The following CBX5 variants were observed in gnomAD, a reference collection of about 807,000 sequenced individuals.
CBX5 encodes the protein chromobox protein homolog 5.
A neutral mutation model predicts 20.7 loss-of-function variants in CBX5; 7 were observed. The observed-to-expected ratio is 0.34, with a 90% CI of 0.19 to 0.63. The LOEUF is 0.63. Among genes scored for constraint, CBX5 ranks in the 30% least tolerant of loss-of-function variants. The pLI, the probability that CBX5 is intolerant of heterozygous loss-of-function variation, is 0.75. For synonymous variants in CBX5, 78 were observed against 77.0 expected, an observed-to-expected ratio of 1.01 and a Z score of -0.07; for missense variants, 110 against 224.1, an observed-to-expected ratio of 0.49 and a Z score of 3.25.
rs371605670 is a variant in CBX5, at chr12:54,274,380, G to C, written c.-43+5628C>G. 23 of 152,264 alleles carry C rather than the reference G, an allele frequency of 1.5e-4. No individual in the cohort carries two copies. The East Asian group carries it at 4.1e-3, about 27-fold the overall frequency. The allele number at this position is 152,264 out of a possible 1,614,324, so 9.4% of individuals were successfully genotyped here. ...AGAAAAATAAAAGTTTATATCAGGA[G>C]AAAAAGATGATTGCCCAGAGTCCGA... On this transcript the variant is annotated intron_variant, in intron 1 of 4. Transcript: ENST00000209875.
chr12:54,260,882 G>A (rs960808213), intron 1 of CBX5, among the ~76,000 whole-genome samples: 1 of 152,042 alleles, frequency 6.6e-6, no homozygotes, highest in African/African-American at 2.4e-5. Flanking sequence ...AAGAAAAAGG[G>A]ACAATCAAAA....
At position 54,240,703 on chromosome 12, in the gene CBX5, C is replaced by T. The variant is rs970083077; in HGVS notation, c.*1052G>A. The T allele has an allele frequency of 1.3e-5, 2 of 152,068 alleles. No individual in the cohort carries two copies. Among genetic ancestry groups the T allele is most frequent in the African/African-American group, 4.8e-5 (2 of 41,406 alleles). 9.4% of individuals were successfully genotyped at this position (152,068 alleles called of 1,614,324 possible). On this transcript the variant is annotated 3_prime_UTR_variant, in exon 5 of 5. Transcript: ENST00000209875. ...GGCCAACAGCTCACCTCTAAAACTT[C>T]CCCACTGAAAATAATGGCATGGAAG...
chr12:54,272,373 T>TG (rs1944018526), intron 1 of CBX5: 1 of 152,134 alleles, frequency 6.6e-6, no homozygotes, highest in Non-Finnish European at 1.5e-5. Context: ...TGAAACAGGA[T>TG]GGAACAGGCA....
At chr12:54,252,979 C>CA (rs757909869) in intron 2 of CBX5, among the ~76,000 whole-genome samples, 3,394 of 46,562 alleles carry the variant, frequency 0.073, 117 homozygotes, top group African/African-American at 0.088. Flanking sequence ...GACTCTGTCT[C>CA]AAAAAAAAAA....
chr12:54,263,417 A>C (rs919138742), intron 1 of CBX5, among the ~76,000 whole-genome samples: 2 of 151,848 alleles, frequency 1.3e-5, no homozygotes, highest in African/African-American at 4.8e-5. Flanking sequence ...AGAGGGCATC[A>C]CAAGCAAGCT....
At chr12:54,275,279 G>A (rs1048212332) in intron 1 of CBX5, among the ~76,000 whole-genome samples, 5 of 151,842 alleles carry the variant, frequency 3.3e-5, no homozygotes, top group African/African-American at 1.2e-4. Context: ...GTCTCGCTCT[G>A]TCACCCAGGC....
intron 1 of CBX5, among the ~76,000 whole-genome samples, chr12:54,265,126 G>A (rs751725577): frequency 1.2e-4 from 18 of 152,286 alleles, no homozygotes; most frequent in East Asian, 3.9e-4. Context: ...AGACTTGCAC[G>A]ATTCCCACTT....
At chr12:54,250,460 T>C (rs1943783515) in intron 3 of CBX5, among the ~76,000 whole-genome samples, 1 of 151,742 alleles carries the variant, frequency 6.6e-6, no homozygotes, top group Admixed American at 6.6e-5. Context: ...TGATTTTCAC[T>C]GCAAAAAAAA....
At chr12:54,263,833 G>A (rs1447629916) in intron 1 of CBX5, among the ~76,000 whole-genome samples, 2 of 150,568 alleles carry the variant, frequency 1.3e-5, no homozygotes, top group East Asian at 3.9e-4. Context: ...CACGAGGTCA[G>A]GAGATTGAGA....
At chr12:54,265,222 G>T (rs1943946061) in intron 1 of CBX5, among the ~76,000 whole-genome samples, 1 of 152,152 alleles carries the variant, frequency 6.6e-6, no homozygotes, top group African/African-American at 2.4e-5. Flanking sequence ...CCTCTATATA[G>T]CCTTATTGCA....
At chr12:54,275,429 G>A (rs1040484481) in intron 1 of CBX5, among the ~76,000 whole-genome samples, 2 of 151,918 alleles carry the variant, frequency 1.3e-5, no homozygotes, top group Admixed American at 6.6e-5. Context: ...TTTTAGCGGA[G>A]ATGGGGTTTC....
At chr12:54,253,036 G>A (rs1943824202) in intron 2 of CBX5, among the ~76,000 whole-genome samples, 1 of 151,328 alleles carries the variant, frequency 6.6e-6, no homozygotes, top group African/African-American at 2.4e-5. Context: ...GAGGGAGGGA[G>A]TTGTAATTAA....
intron 1 of CBX5, among the ~76,000 whole-genome samples, chr12:54,277,604 C>T (rs995298540): frequency 6.6e-6 from 1 of 152,170 alleles, no homozygotes; most frequent in Non-Finnish European, 1.5e-5. Flanking sequence ...TCCCAAAGTG[C>T]TGGGATTACA....
intron 4 of CBX5, among the ~76,000 whole-genome samples, chr12:54,242,887 G>A (rs926296535): frequency 6.6e-6 from 1 of 152,124 alleles, no homozygotes; most frequent in East Asian, 1.9e-4. Context: ...CACTTTGGGA[G>A]GCTGAGGCAG....
At chr12:54,255,009 G>A (rs927512198) in intron 2 of CBX5, among the ~76,000 whole-genome samples, 9 of 152,176 alleles carry the variant, frequency 5.9e-5, no homozygotes, top group Non-Finnish European at 1.2e-4. Flanking sequence ...CTTGGGGGTT[G>A]GGAAGAATCT....
At chr12:54,253,122 C>A (rs898965415) in intron 2 of CBX5, among the ~76,000 whole-genome samples, 1 of 151,790 alleles carries the variant, frequency 6.6e-6, no homozygotes, top group Non-Finnish European at 1.5e-5. Flanking sequence ...GGTTGCATAG[C>A]TCTATAAATT....
chr12:54,243,463 A>G (rs953901025), intron 4 of CBX5, among the ~76,000 whole-genome samples: 1 of 152,126 alleles, frequency 6.6e-6, no homozygotes, highest in Non-Finnish European at 1.5e-5. Context: ...CAGGAGACTG[A>G]GGTAGGAGGA....
rs1943583763 is a variant in CBX5, at chr12:54,233,012, G to A, written c.*8743C>T. The A allele has an allele frequency of 6.6e-6, 1 of 152,108 alleles. No individual in the cohort carries two copies. The highest frequency in any genetic ancestry group is 2.4e-5 in the African/African-American group (1 of 41,418). 9.4% of individuals were successfully genotyped at this position (152,108 alleles called of 1,614,324 possible). On this transcript the variant is annotated 3_prime_UTR_variant, in exon 5 of 5. Coordinates refer to ENST00000209875, the MANE Select transcript of CBX5 (RefSeq NM_012117.3). ...TCTTATAAAGCTGCAAGTTGGTGGCGTGGGAATCCTAGCACCACAAAACAC... is the reference window on the plus strand; with the variant it reads ...TCTTATAAAGCTGCAAGTTGGTGGCATGGGAATCCTAGCACCACAAAACAC...
At position 54,231,194 on chromosome 12, in the gene CBX5, T is replaced by G. The variant is rs1329565265; in HGVS notation, c.*10561A>C. The G allele has an allele frequency of 1.3e-5, 2 of 152,186 alleles. No individual in the cohort carries two copies. The highest frequency in any genetic ancestry group is 4.8e-5 in the African/African-American group (2 of 41,436). 9.4% of individuals were successfully genotyped at this position (152,186 alleles called of 1,614,324 possible). A position where few individuals can be genotyped will look rare whatever the true frequency, so the allele number is the denominator to read the frequency against. On this transcript the variant is annotated 3_prime_UTR_variant, in exon 5 of 5. Coordinates refer to ENST00000209875, the MANE Select transcript of CBX5 (RefSeq NM_012117.3). ...AAGAAACACAGCTAAAACTCCCCCA[T>G]AAACCTAAAAGTCCATGGAGAATTC...
Sources: gnomAD v4.1 joint callset for allele counts (sites outside exome capture counted in the v4.1 genomes callset) on GRCh38, gnomAD v4.1.1 for gene constraint, MANE v1.5 for transcripts, NCBI Gene and HGNC (gene_info 2026-07-23, HGNC 2026-07-21) for gene names.